Variants in LRRC4B observed in about 807,000 individuals in gnomAD.
LRRC4B encodes the protein leucine-rich repeat-containing protein 4B.
Under a neutral mutation model 7.3 loss-of-function variants are expected in LRRC4B, and 1 was observed. The ratio of observed to expected loss-of-function variants is 0.14; its 90% CI spans 0.05 to 0.65. LRRC4B has a LOEUF of 0.65. LRRC4B is among the 30% of genes least tolerant of loss of function. The probability of loss-of-function intolerance (pLI) is 0.84; values close to 1 mark genes in which losing one functional copy is unlikely to be tolerated. For missense variants in LRRC4B, 730 were observed against 1,041.6 expected (o/e 0.70, Z 4.12); for synonymous variants, 500 against 499.2 (o/e 1.00, Z -0.02).
At chr19:50,535,449 G>C (rs1337295117) in intron 2 of LRRC4B, among the ~76,000 whole-genome samples, 1 of 152,228 alleles carries the variant, frequency 6.6e-6, no homozygotes, top group Non-Finnish European at 1.5e-5. Flanking sequence ...TGGGATTACA[G>C]ACGTGAACCA....
rs1980422101 is a variant in LRRC4B, at chr19:50,518,768, G to A, written c.945C>T (p.Cys315=). Reference sequence around the variant, plus strand: ...AGCTCAGCCAGAGCACGTCGCAGTTGCAATGCCAGGGGTTGTGGTTGAGGT... The same window carrying A: ...AGCTCAGCCAGAGCACGTCGCAGTTACAATGCCAGGGGTTGTGGTTGAGGT... ...RVHLNHNPWH[C]NCDVLWLSWW... The change falls in exon 3 of 3, where the codon TGC becomes TGT. Residue 315 remains cysteine (C), a synonymous_variant. Coordinates refer to ENST00000652263, the MANE Select transcript of LRRC4B (RefSeq NM_001080457.2). 2 of 1,613,980 alleles carry A rather than the reference G, an allele frequency of 1.2e-6. No individual in the cohort carries two copies. The highest frequency in any genetic ancestry group is 1.7e-6 in the Non-Finnish European group (2 of 1,179,990).
At chr19:50,542,022 G>A (rs555724675) in intron 2 of LRRC4B, among the ~76,000 whole-genome samples, 3 of 152,302 alleles carry the variant, frequency 2.0e-5, no homozygotes, top group East Asian at 3.9e-4. Context: ...CAAAGACAGC[G>A]ATCTTAACGC....
intron 2 of LRRC4B, among the ~76,000 whole-genome samples, chr19:50,540,155 T>C (rs1292059868): frequency 6.6e-6 from 1 of 152,150 alleles, no homozygotes; most frequent in African/African-American, 2.4e-5. Flanking sequence ...CTGTTTTAAA[T>C]AGCTGCATAA....
In LRRC4B at chr19:50,563,183, C is replaced by T. The variant is rs1395928455; in HGVS notation, c.-36+4761G>A. Among the ~76,000 whole-genome samples, 3 of 152,178 alleles carry T rather than the reference C, an allele frequency of 2.0e-5. No homozygotes were observed. The highest frequency in any genetic ancestry group is 4.8e-5 in the African/African-American group (2 of 41,438). ...GCAGTGAGCCCCCATCAGCCCCTCT[C>T]GTGGGTCTCCAAGGCAGCCCCTCCA... On this transcript the variant is annotated intron_variant, in intron 1 of 2. Transcript: ENST00000652263. This position sits in a 1 kb window ranked among gnomAD's most constrained non-coding sequence, Gnocchi z 4.9.
chr19:50,538,809 T>C (rs1462558944), intron 2 of LRRC4B, among the ~76,000 whole-genome samples: 1 of 151,866 alleles, frequency 6.6e-6, no homozygotes, highest in Non-Finnish European at 1.5e-5. Context: ...GCTCAAGCGA[T>C]CCACCTGCCT....
intron 1 of LRRC4B, among the ~76,000 whole-genome samples, chr19:50,551,213 G>A (rs1982044507): frequency 6.6e-6 from 1 of 151,762 alleles, no homozygotes. Context: ...CTTCCGCTGG[G>A]CCTCTCCCTG....
chr19:50,565,472 C>T (rs569667926), intron 1 of LRRC4B, among the ~76,000 whole-genome samples: 2 of 152,044 alleles, frequency 1.3e-5, no homozygotes, highest in Admixed American at 1.3e-4. Flanking sequence ...TGCAACTGGG[C>T]CTCTCTGGTT....
At chr19:50,567,717 C>T (rs1200381808) in intron 1 of LRRC4B, among the ~76,000 whole-genome samples, 1 of 144,986 alleles carries the variant, frequency 6.9e-6, no homozygotes, top group Non-Finnish European at 1.5e-5. Context: ...CGACAACCAC[C>T]CCCCCCACAG....
chr19:50,559,228 A>T (rs1982386282), intron 1 of LRRC4B, among the ~76,000 whole-genome samples: 1 of 152,188 alleles, frequency 6.6e-6, no homozygotes, highest in Non-Finnish European at 1.5e-5. Flanking sequence ...TGAGGTCAGG[A>T]GTTTGAGACC....
At chr19:50,520,215 A>AGG in intron 2 of LRRC4B, among the ~76,000 whole-genome samples, 1 of 55,398 alleles carries the variant, frequency 1.8e-5, no homozygotes, top group Non-Finnish European at 3.2e-5. Flanking sequence ...AAAAAAAAAA[A>AGG]AAAAAAAAAA....
At chr19:50,539,442 T>G (rs1981447407) in intron 2 of LRRC4B, among the ~76,000 whole-genome samples, 3 of 152,216 alleles carry the variant, frequency 2.0e-5, no homozygotes, top group Non-Finnish European at 2.9e-5. Flanking sequence ...GAGCGCTCCC[T>G]GACCCCCTGC....
Position 50,556,010 on chromosome 19 carries a change from A to T in LRRC4B, c.-35-7137T>A, listed in dbSNP as rs933563606. On this transcript the variant is annotated intron_variant, in intron 1 of 2. Transcript: ENST00000652263. This position sits in a 1 kb window ranked among gnomAD's most constrained non-coding sequence, Gnocchi z 4.2. The stretch of plus-strand genomic sequence containing the variant: ...AGACCCGGGTTCTGGGGGAGGGGAC[A>T]GGCAGCGCTGGCGTTCTGAGCCAAT... 5.9e-5 allele frequency among the ~76,000 whole-genome samples: 9 copies of T among 152,124 alleles called. No individual in the cohort carries two copies. Among genetic ancestry groups the T allele is most frequent in the Admixed American group, 2.0e-4 (3 of 15,272 alleles).
intron 2 of LRRC4B, among the ~76,000 whole-genome samples, chr19:50,526,701 G>GT (rs1167926052): frequency 2.0e-5 from 3 of 152,094 alleles, no homozygotes; most frequent in African/African-American, 7.2e-5. Flanking sequence ...TTGTTAAAAA[G>GT]TAATATATAC....
chr19:50,559,271 C>G (rs1292806777), intron 1 of LRRC4B, among the ~76,000 whole-genome samples: 1 of 152,068 alleles, frequency 6.6e-6, no homozygotes, highest in African/African-American at 2.4e-5. Context: ...TCCACCTCTA[C>G]TAAAAATACA....
intron 1 of LRRC4B, among the ~76,000 whole-genome samples, chr19:50,552,683 T>TCCATCCATCCATTCATCCATCCAC (rs377729910): frequency 0.036 from 4,359 of 121,358 alleles, 285 homozygotes; most frequent in African/African-American, 0.075. Context: ...CATCCATCCA[T>TCCATCCATCCATTCATCCATCCAC]CCATCCGTCC....
chr19:50,540,364 C>CA (rs910987877), intron 2 of LRRC4B, among the ~76,000 whole-genome samples: 2 of 151,986 alleles, frequency 1.3e-5, no homozygotes, highest in African/African-American at 4.8e-5. Context: ...ATTTAAATTA[C>CA]AAAAAAATTT....
chr19:50,566,452 C>A (rs2122939283), intron 1 of LRRC4B, among the ~76,000 whole-genome samples: 1 of 151,718 alleles, frequency 6.6e-6, no homozygotes, highest in Admixed American at 6.5e-5. Flanking sequence ...GGGGAATTCC[C>A]CACCCCGACA....
intron 1 of LRRC4B, among the ~76,000 whole-genome samples, chr19:50,564,324 G>A (rs543999378): frequency 4.3e-4 from 66 of 152,238 alleles, no homozygotes; most frequent in African/African-American, 1.4e-3. Flanking sequence ...TGGGCCGCCC[G>A]GAGGACCCCA....
intron 1 of LRRC4B, among the ~76,000 whole-genome samples, chr19:50,562,211 G>C (rs998508654): frequency 6.6e-6 from 1 of 151,992 alleles, no homozygotes; most frequent in African/African-American, 2.4e-5. Context: ...TCTGTAAACT[G>C]GGAGTCTCAT....
Sources: gnomAD v4.1 joint callset for allele counts (sites outside exome capture counted in the v4.1 genomes callset) on GRCh38, gnomAD v4.1.1 for gene constraint, Gnocchi (gnomAD v3.1) non-coding constraint, MANE v1.5 for transcripts, NCBI Gene and HGNC (gene_info 2026-07-23, HGNC 2026-07-21) for gene names.